Variants in TAF4 observed in about 807,000 individuals in gnomAD.
TAF4 encodes transcription initiation factor TFIID subunit 4.
A neutral mutation model predicts 90.3 loss-of-function variants in TAF4; 9 were observed. The ratio of observed to expected loss-of-function variants is 0.10; its 90% CI spans 0.06 to 0.17. The LOEUF (loss-of-function observed/expected upper bound fraction) is 0.17, where lower values mean the gene tolerates loss of function less well. Ranked by LOEUF, TAF4 falls within the 10% of genes least tolerant of loss-of-function variation. TAF4 has a pLI of 1.00. For synonymous variants in TAF4, 818 were observed against 638.9 expected, an observed-to-expected ratio of 1.28 and a Z score of -4.23; for missense variants, 1,351 against 1,370.7, an observed-to-expected ratio of 0.99 and a Z score of 0.23.
In TAF4 at chr20:62,064,941, G is replaced by A; in HGVS notation, c.870C>T (p.Pro290=). 3.8e-6 allele frequency: 2 copies of A among 531,768 alleles called. No individual in the cohort carries two copies. Among genetic ancestry groups the A allele is most frequent in the Non-Finnish European group, 4.7e-6 (2 of 423,626 alleles). The allele number at this position is 531,768 out of a possible 1,614,324, so 32.9% of individuals were successfully genotyped here. A position where few individuals can be genotyped will look rare whatever the true frequency, so the allele number is the denominator to read the frequency against. ...LARPPGHPAG[P]PTAAPAVPPP... is the part of the protein sequence containing the mutation. ...GCGGCACGGCGGGCGCGGCGGTCGGGGGTCCGGCGGGGTGGCCGGGCGGCC... is the reference window on the plus strand; with the variant it reads ...GCGGCACGGCGGGCGCGGCGGTCGGAGGTCCGGCGGGGTGGCCGGGCGGCC... The change falls in exon 1 of 15, where the codon CCC becomes CCT. Residue 290 remains proline, a synonymous_variant. Coordinates refer to ENST00000252996, the MANE Select transcript of TAF4 (RefSeq NM_003185.4).
intron 1 of TAF4, among the ~76,000 whole-genome samples, chr20:62,021,968 G>A (rs1311972751): frequency 3.9e-5 from 6 of 152,134 alleles, no homozygotes; most frequent in East Asian, 3.9e-4. Flanking sequence ...AGGGCGCTCC[G>A]AAACTCAGGC....
intron 1 of TAF4, among the ~76,000 whole-genome samples, chr20:62,023,747 C>CAAAAAAAAAAAAAAAA (rs59813943): frequency 1.7e-5 from 1 of 59,566 alleles, no homozygotes; most frequent in African/African-American, 6.9e-5. Flanking sequence ...GACTCCATCT[C>CAAAAAAAAAAAAAAAA]AAAAAAAAAA....
intron 1 of TAF4, among the ~76,000 whole-genome samples, chr20:62,037,098 G>A (rs1411462896): frequency 2.0e-5 from 3 of 152,206 alleles, no homozygotes; most frequent in East Asian, 3.9e-4. Flanking sequence ...AATGGCCTAT[G>A]ACAGAAGGGG....
At chr20:62,005,277 AGGCAAT>A (rs1442593600) in intron 7 of TAF4, 4 of 152,428 alleles carry the variant, frequency 2.6e-5, no homozygotes, top group Non-Finnish European at 4.4e-5. Flanking sequence ...TTCAGGGTGC[AGGCAAT>A]GGATTGGATG....
At position 62,007,592 on chromosome 20, in the gene TAF4, T is replaced by C; in HGVS notation, c.1929A>G (p.Arg643=). Residue 643 remains arginine (R), a synonymous_variant, in exon 6 of 15, where the codon CGA becomes CGG. Transcript: ENST00000252996. The stretch of plus-strand genomic sequence containing the variant: ...AAGGTTGAGGTGAAGAATTAAGTTC[T>C]CGGTATAACCTGCTTGTGAAATCTT... The part of the protein sequence containing the change: ...EAEDFTSRLY[R]ELNSSPQPYL... The C allele has an allele frequency of 6.2e-7, 1 of 1,610,854 alleles. No homozygotes were observed. Among genetic ancestry groups the C allele is most frequent in the Non-Finnish European group, 8.5e-7 (1 of 1,179,060 alleles).
At chr20:62,038,251 T>C (rs1394661480) in intron 1 of TAF4, among the ~76,000 whole-genome samples, 1 of 151,932 alleles carries the variant, frequency 6.6e-6, no homozygotes, top group African/African-American at 2.4e-5. Context: ...ATGGTGTCGA[T>C]CTCCTGACCT....
chr20:62,060,709 C>T (rs2145524248), intron 1 of TAF4, among the ~76,000 whole-genome samples: 1 of 152,350 alleles, frequency 6.6e-6, no homozygotes, highest in Non-Finnish European at 1.5e-5. Flanking sequence ...AGATTAAGGC[C>T]TCTAGCCTAA....
At chr20:61,995,472 G>C (rs2055657388) in intron 14 of TAF4, among the ~76,000 whole-genome samples, 1 of 152,210 alleles carries the variant, frequency 6.6e-6, no homozygotes, top group Admixed American at 6.5e-5. Context: ...ACAGACTGAA[G>C]TCCAGGAACA....
intron 1 of TAF4, among the ~76,000 whole-genome samples, chr20:62,015,034 C>T (rs1377380862): frequency 6.6e-6 from 1 of 152,234 alleles, no homozygotes; most frequent in East Asian, 1.9e-4. Context: ...CCATACACCC[C>T]ACAGACATGC....
intron 1 of TAF4, among the ~76,000 whole-genome samples, chr20:62,063,517 G>A (rs2056101913): frequency 6.6e-6 from 1 of 152,202 alleles, no homozygotes; most frequent in Non-Finnish European, 1.5e-5. Flanking sequence ...CAAACTTGAG[G>A]GGCCCTGAGG....
chr20:62,043,961 G>A (rs1488743757), intron 1 of TAF4, among the ~76,000 whole-genome samples: 2 of 152,186 alleles, frequency 1.3e-5, no homozygotes, highest in East Asian at 1.9e-4. Flanking sequence ...GGCAGGGCCC[G>A]TTAGCTAACC....
intron 14 of TAF4, chr20:61,980,192 AAGG>A (rs1464275068): frequency 6.6e-6 from 1 of 152,258 alleles, no homozygotes; most frequent in Non-Finnish European, 1.5e-5. Context: ...GATCAAATGA[AAGG>A]AGGAGGTCTC....
Position 62,006,912 on chromosome 20 carries a change from C to CAGGA in TAF4, c.1975-158_1975-155dup, listed in dbSNP as rs1006215467. ...GGCAGCATGTCTGGATGTCAAGGGC[C>CAGGA]AGGACCCCATCCTGCCCTCCCACTA... On this transcript the variant is annotated intron_variant, in intron 6 of 14. Transcript: ENST00000252996. The surrounding 1 kb of genome is among the most constrained non-coding windows in gnomAD (Gnocchi z 7.0). The CAGGA allele has an allele frequency of 1.9e-6, 2 of 1,070,554 alleles. No individual in the cohort carries two copies. The highest frequency in any genetic ancestry group is 2.4e-6 in the Non-Finnish European group (2 of 819,854). 66.3% of individuals were successfully genotyped at this position (1,070,554 alleles called of 1,614,324 possible).
chr20:62,028,697 C>T (rs904294158), intron 1 of TAF4, among the ~76,000 whole-genome samples: 5 of 152,190 alleles, frequency 3.3e-5, no homozygotes, highest in African/African-American at 1.2e-4. Flanking sequence ...AAAGCTGCTT[C>T]TAAAAAGCTC....
chr20:62,042,819 G>A (rs776412721), intron 1 of TAF4, among the ~76,000 whole-genome samples: 1 of 152,228 alleles, frequency 6.6e-6, no homozygotes, highest in Non-Finnish European at 1.5e-5. Flanking sequence ...GCCTCAGGCA[G>A]GTCCTTCAGG....
intron 1 of TAF4, among the ~76,000 whole-genome samples, chr20:62,050,123 G>A (rs545014426): frequency 1.4e-4 from 22 of 152,284 alleles, no homozygotes; most frequent in Admixed American, 3.3e-4. Context: ...TGAAGATGAG[G>A]CCACAACAGT....
At chr20:62,052,074 C>A (rs1212514974) in intron 1 of TAF4, among the ~76,000 whole-genome samples, 1 of 152,176 alleles carries the variant, frequency 6.6e-6, no homozygotes, top group South Asian at 2.1e-4. Flanking sequence ...ACCGTGGACT[C>A]CCTGCATCCC....
At chr20:62,062,602 G>C (rs2056095517) in intron 1 of TAF4, among the ~76,000 whole-genome samples, 4 of 152,090 alleles carry the variant, frequency 2.6e-5, no homozygotes, top group Admixed American at 2.0e-4. Flanking sequence ...TCACACACAG[G>C]AATCACGCAC....
chr20:62,007,330 G>A, intron 6 of TAF4, among the ~76,000 whole-genome samples: 1 of 152,184 alleles, frequency 6.6e-6, no homozygotes, highest in East Asian at 1.9e-4. Context: ...GCGCACGACA[G>A]AACCACAAGG....
Sources: gnomAD v4.1 joint callset for allele counts (sites outside exome capture counted in the v4.1 genomes callset) on GRCh38, gnomAD v4.1.1 for gene constraint, Gnocchi (gnomAD v3.1) non-coding constraint, MANE v1.5 for transcripts, NCBI Gene and HGNC (gene_info 2026-07-23, HGNC 2026-07-21) for gene names.